VIPR2: variants seen among roughly 807,000 people sequenced by gnomAD.
The protein encoded by VIPR2 is vasoactive intestinal polypeptide receptor 2.
VIPR2 carries 48 observed loss-of-function variants against 58.0 expected under a neutral mutation model. That is an observed-to-expected ratio of 0.83 (90% CI 0.66 to 1.05). The LOEUF (loss-of-function observed/expected upper bound fraction) is 1.05, where lower values mean the gene tolerates loss of function less well. Ranked by LOEUF, VIPR2 falls within the 50% of genes least tolerant of loss-of-function variation. VIPR2 has a pLI of 0.00. For synonymous variants in VIPR2, 243 were observed against 235.2 expected, an observed-to-expected ratio of 1.03 and a Z score of -0.30; for missense variants, 534 against 558.0, an observed-to-expected ratio of 0.96 and a Z score of 0.43.
Position 159,098,887 on chromosome 7 carries a change from C to T in VIPR2, c.357+4870G>A, listed in dbSNP as rs1301319957. On this transcript the variant is annotated intron_variant, in intron 4 of 12. Transcript: ENST00000262178. The surrounding 1 kb of genome is among the most constrained non-coding windows in gnomAD (Gnocchi z 5.2). ...TGGGAAGCAAGTGGGCCTGATGGGA[C>T]GAAGCGTGAGCTCCGGGCAGGAGAA... Among the ~76,000 whole-genome samples, 3 of 152,244 alleles carry T rather than the reference C, an allele frequency of 2.0e-5. No individual in the cohort carries two copies. The highest frequency in any genetic ancestry group is 1.9e-4 in the East Asian group (1 of 5,190).
intron 2 of VIPR2, among the ~76,000 whole-genome samples, chr7:159,132,789 C>T (rs1182924358): frequency 7.1e-6 from 1 of 141,182 alleles, no homozygotes. Flanking sequence ...GATTGGCATA[C>T]AGACTGATTT....
chr7:159,070,284 C>G (rs138042033), intron 4 of VIPR2, among the ~76,000 whole-genome samples: 1 of 152,136 alleles, frequency 6.6e-6, no homozygotes, highest in African/African-American at 2.4e-5. Context: ...ACGGAGGACT[C>G]CGCACACGAC....
At chr7:159,142,337 CTT>C (rs71302077) in intron 2 of VIPR2, 107 bp downstream of exon 2, 2,904 of 618,742 alleles carry the variant, frequency 4.7e-3, no homozygotes, top group South Asian at 7.1e-3. Context: ...CTTTCTTTTT[CTT>C]TTTTTTTTTT....
chr7:159,035,640 C>T (rs924759916), intron 8 of VIPR2: 18 of 966,926 alleles, frequency 1.9e-5, no homozygotes, highest in Non-Finnish European at 2.1e-5. Flanking sequence ...ACATGCAGGG[C>T]ACTTGGCTTT....
intron 2 of VIPR2, among the ~76,000 whole-genome samples, chr7:159,138,269 A>G (rs528598275): frequency 6.6e-6 from 1 of 152,336 alleles, no homozygotes; most frequent in Admixed American, 6.5e-5. Context: ...TCCTCTGACA[A>G]AGAGAAACAA....
At position 159,082,321 on chromosome 7, in the gene VIPR2, C is replaced by G. The variant is rs563661389; in HGVS notation, c.357+21436G>C. On this transcript the variant is annotated intron_variant, in intron 4 of 12. Transcript: ENST00000262178. ...TGAGTTCATGTCCTTTGTAGGGACA[C>G]GGATGAAGCTGGAAACCATCATTCT... Among the ~76,000 whole-genome samples, 4 of 152,206 alleles carry G rather than the reference C, an allele frequency of 2.6e-5. No individual in the cohort carries two copies. The South Asian group carries it at 8.3e-4, about 32-fold the overall frequency.
chr7:159,032,894 G>A (rs1439588515), intron 10 of VIPR2, among the ~76,000 whole-genome samples: 1 of 151,978 alleles, frequency 6.6e-6, no homozygotes, highest in Non-Finnish European at 1.5e-5. Flanking sequence ...ATCTTATTCG[G>A]GGGTCTCTGC....
intron 4 of VIPR2, among the ~76,000 whole-genome samples, chr7:159,091,744 G>A (rs1290092502): frequency 2.0e-5 from 3 of 152,314 alleles, no homozygotes; most frequent in Non-Finnish European, 4.4e-5. Flanking sequence ...CAGAGCTGCG[G>A]CTGGGAGCCT....
At chr7:159,079,211 T>C (rs529085322) in intron 4 of VIPR2, among the ~76,000 whole-genome samples, 2 of 152,244 alleles carry the variant, frequency 1.3e-5, no homozygotes, top group African/African-American at 4.8e-5. Flanking sequence ...ATTGACCACA[T>C]AGTTGGAAGT....
At chr7:159,048,494 T>C (rs555453342) in intron 5 of VIPR2, among the ~76,000 whole-genome samples, 1 of 152,182 alleles carries the variant, frequency 6.6e-6, no homozygotes, top group Non-Finnish European at 1.5e-5. Context: ...GTATTTCCAA[T>C]ACAAATCAGT....
intron 4 of VIPR2, among the ~76,000 whole-genome samples, chr7:159,078,703 A>C (rs1249311943): frequency 6.6e-6 from 1 of 152,204 alleles, no homozygotes; most frequent in Non-Finnish European, 1.5e-5. Flanking sequence ...TGGGCTATTC[A>C]TGGCTGAGGA....
intron 1 of VIPR2, chr7:159,144,331 C>T: frequency 1.3e-6 from 2 of 1,526,062 alleles, no homozygotes; most frequent in South Asian, 1.2e-5. Flanking sequence ...GAGGCATCTG[C>T]GGCCAACGCC....
chr7:159,056,617 T>C (rs1855342335), intron 5 of VIPR2, among the ~76,000 whole-genome samples: 1 of 152,166 alleles, frequency 6.6e-6, no homozygotes, highest in African/African-American at 2.4e-5. Flanking sequence ...TGGGATGTGT[T>C]CTAAGAAGTA....
chr7:159,136,324 T>C (rs190748069), intron 2 of VIPR2, among the ~76,000 whole-genome samples: 49 of 152,250 alleles, frequency 3.2e-4, no homozygotes, highest in African/African-American at 1.1e-3. Context: ...ATTAACCCAC[T>C]TACGAGGGCA....
intron 5 of VIPR2, 25 bp downstream of exon 5, chr7:159,058,456 A>G: frequency 1.9e-6 from 3 of 1,597,146 alleles, no homozygotes; most frequent in Non-Finnish European, 2.6e-6. Context: ...TATTCTTTGC[A>G]GAATTACTAA....
chr7:159,103,136 AG>A (rs1426561109), intron 4 of VIPR2, among the ~76,000 whole-genome samples: 1 of 152,230 alleles, frequency 6.6e-6, no homozygotes, highest in Admixed American at 6.5e-5. Flanking sequence ...CATTACTGAA[AG>A]ATCACAGCCC....
intron 2 of VIPR2, among the ~76,000 whole-genome samples, chr7:159,136,987 G>A (rs933389643): frequency 2.6e-5 from 4 of 152,110 alleles, no homozygotes; most frequent in Non-Finnish European, 5.9e-5. Context: ...GAGGGGAGTG[G>A]AGAAGGCAGA....
At position 159,144,718 on chromosome 7, in the gene VIPR2, C is replaced by T; in HGVS notation, c.51+3G>A. 1 of 1,328,138 alleles carries T rather than the reference C, an allele frequency of 7.5e-7. No individual in the cohort carries two copies. The highest frequency in any genetic ancestry group is 9.6e-7 in the Non-Finnish European group (1 of 1,040,536). The allele number at this position is 1,328,138 out of a possible 1,614,324, so 82.3% of individuals were successfully genotyped here. ...GTGGGGCGGGGGTCGCGGGCGCACT[C>T]ACGGGGGCGAGCAGCCAGCAGGTCA... On this transcript the variant is annotated splice_donor_region_variant and intron_variant, in intron 1 of 12. Coordinates refer to ENST00000262178, the MANE Select transcript of VIPR2 (RefSeq NM_003382.5).
intron 4 of VIPR2, chr7:159,059,504 CTTGT>C (rs879275191): frequency 3.6e-5 from 13 of 366,082 alleles, no homozygotes; most frequent in Non-Finnish European, 5.4e-5. Context: ...AAGTTATGCT[CTTGT>C]TTATTAGTTT....
Sources: gnomAD v4.1 joint callset for allele counts (sites outside exome capture counted in the v4.1 genomes callset) on GRCh38, gnomAD v4.1.1 for gene constraint, Gnocchi (gnomAD v3.1) non-coding constraint, MANE v1.5 for transcripts, NCBI Gene and HGNC (gene_info 2026-07-23, HGNC 2026-07-21) for gene names.